The following MTERF3 variants were observed in gnomAD, a reference collection of about 807,000 sequenced individuals.
MTERF3 encodes the protein transcription termination factor 3, mitochondrial.
In MTERF3, 40 loss-of-function variants were observed where a neutral mutation model predicts 40.5. That is an observed-to-expected ratio of 0.99 (90% CI 0.77 to 1.29). MTERF3 has a LOEUF of 1.29. Ranked by LOEUF, MTERF3 falls within the 50% of genes most tolerant of loss-of-function variation. The pLI is 0.00. For synonymous variants in MTERF3, 158 were observed against 166.6 expected (o/e 0.95, Z 0.40); for missense variants, 452 against 478.2 (o/e 0.95, Z 0.51).
intron 3 of MTERF3, among the ~76,000 whole-genome samples, chr8:96,254,161 A>C (rs1037675429): frequency 6.6e-6 from 1 of 152,188 alleles, no homozygotes; most frequent in Non-Finnish European, 1.5e-5. Flanking sequence ...TACACTTTTT[A>C]AATTATATGT....
chr8:96,255,177 C>T (rs1810256893), intron 3 of MTERF3, among the ~76,000 whole-genome samples: 1 of 152,156 alleles, frequency 6.6e-6, no homozygotes. Context: ...GAGGAGAAGA[C>T]TATCAAGATA....
rs1196659154 is a variant in MTERF3 at position 96,243,931 on chromosome 8, G to A, written c.1047C>T (p.Val349=). 1 of 1,613,784 alleles carries A rather than the reference G, an allele frequency of 6.2e-7. No homozygotes were observed. ...TGAGTGGCATTACCTGTGGGAACTT[G>A]ACAATGATGTGGTGGGGAATGCTCA... The part of the protein sequence containing the change: ...NVMSIPHHII[V]KFPQVFNTRL... The change falls in exon 7 of 8, where the codon GTC becomes GTT. Residue 349 remains valine, a synonymous_variant. Transcript: ENST00000287025.
chr8:96,259,547 A>G (rs1466195240), intron 1 of MTERF3, among the ~76,000 whole-genome samples: 1 of 152,230 alleles, frequency 6.6e-6, no homozygotes, highest in African/African-American at 2.4e-5. Context: ...ATATGAAGGG[A>G]TTTTATATTT....
intron 7 of MTERF3, among the ~76,000 whole-genome samples, chr8:96,241,552 A>C (rs1809930463): frequency 6.6e-6 from 1 of 152,202 alleles, no homozygotes; most frequent in Non-Finnish European, 1.5e-5. Context: ...TTATGAGCAG[A>C]TATTATACGT....
intron 3 of MTERF3, among the ~76,000 whole-genome samples, chr8:96,253,243 C>G (rs1277322960): frequency 6.6e-6 from 1 of 152,088 alleles, no homozygotes; most frequent in African/African-American, 2.4e-5. Flanking sequence ...CAAACAAGAG[C>G]CTTCCCAACA....
At chr8:96,245,718 G>A in intron 6 of MTERF3, 142 bp downstream of exon 6, 1 of 712,920 alleles carries the variant, frequency 1.4e-6, no homozygotes, top group East Asian at 2.8e-5. Flanking sequence ...ATTTGTTAAA[G>A]ATAATTTCCT....
intron 1 of MTERF3, among the ~76,000 whole-genome samples, chr8:96,259,919 T>A (rs896234187): frequency 2.0e-5 from 3 of 151,836 alleles, no homozygotes; most frequent in Non-Finnish European, 2.9e-5. Context: ...TATTATTTTT[T>A]TTGAGACGGA....
Position 96,239,497 on chromosome 8 carries a change from C to T in MTERF3, c.1248G>A (p.Thr416=), listed in dbSNP as rs377656018. The change falls in exon 8 of 8, where the codon ACG becomes ACA. Residue 416 remains threonine, a synonymous_variant. Transcript: ENST00000287025. ...SVQDFEKFLK[T]L ...TTTTAACATACATAAAAATCTAAAG[C>T]GTTTTTAAGAATTTTTCAAAGTCCT... is the stretch of plus-strand genomic sequence containing the variant. 182 of 1,588,200 alleles carry T rather than the reference C, an allele frequency of 1.1e-4. 1 individual carries two copies. In the South Asian group the frequency reaches 1.3e-3, roughly 12 times the overall value.
chr8:96,243,982 C>G lies in MTERF3; in HGVS notation c.996G>C (p.Glu332Asp). 1 of 1,614,106 alleles carries G rather than the reference C, an allele frequency of 6.2e-7. No individual in the cohort carries two copies. Among genetic ancestry groups the G allele is most frequent in the Non-Finnish European group, 8.5e-7 (1 of 1,180,008 alleles). The change falls in exon 7 of 8, where the codon GAG (glutamate) becomes GAC (aspartate). Residue 332 changes from glutamate (E) to aspartate (D), a missense_variant. Physicochemically the swap from Glu to Asp is conservative, Grantham distance 45. Transcript: ENST00000287025. ...TCACATTGTGCACAAAATCAAACGT[C>G]TCGGTAAGTTTCATTTTATTTGCAG... ...MLTANKMKLT[E>D]TFDFVHNVMS... is the part of the protein sequence containing the mutation.
At chr8:96,240,659 G>A (rs978044303) in intron 7 of MTERF3, among the ~76,000 whole-genome samples, 5 of 152,112 alleles carry the variant, frequency 3.3e-5, no homozygotes, top group Non-Finnish European at 5.9e-5. Context: ...TGGGAGATCC[G>A]GCCAGACTTG....
chr8:96,245,937 G>T lies in MTERF3; in HGVS notation c.826-6C>A. 1 of 1,612,960 alleles carries T rather than the reference G, an allele frequency of 6.2e-7. No individual in the cohort carries two copies. Among genetic ancestry groups the T allele is most frequent in the Non-Finnish European group, 8.5e-7 (1 of 1,179,464 alleles). ...CGAACTACCAGATCTCTAGTCTGTG[G>T]TTGCAAACAAAACAATCTAGTATTA... On this transcript the variant is annotated splice_polypyrimidine_tract_variant and splice_region_variant and intron_variant, in intron 5 of 7. Coordinates refer to ENST00000287025, the MANE Select transcript of MTERF3 (RefSeq NM_015942.5).
chr8:96,253,524 C>A (rs978332962), intron 3 of MTERF3, among the ~76,000 whole-genome samples: 1 of 152,048 alleles, frequency 6.6e-6, no homozygotes, highest in Non-Finnish European at 1.5e-5. Flanking sequence ...GAAAACAGGT[C>A]TCAGAAGCAA....
At chr8:96,256,907 A>G in intron 3 of MTERF3, 55 bp downstream of exon 3, 1 of 1,483,956 alleles carries the variant, frequency 6.7e-7, no homozygotes, top group East Asian at 2.3e-5. Flanking sequence ...TTAAAAAAGT[A>G]AAAAAAGTAA....
At chr8:96,250,616 A>ACACCCAGCTACTTGGGAGGCT (rs1563548540) in intron 4 of MTERF3, among the ~76,000 whole-genome samples, 1 of 4,050 alleles carries the variant, frequency 2.5e-4, no homozygotes, top group East Asian at 3.9e-3. Flanking sequence ...AGGCTGAGGC[A>ACACCCAGCTACTTGGGAGGCT]GAAGAAGAAG....
chr8:96,243,723 T>G lies in MTERF3; in HGVS notation c.1059+196A>C, dbSNP rs112057667. 1.0e-2 allele frequency among the ~76,000 whole-genome samples: 1,518 copies of G among 152,354 alleles called. 11 individuals are homozygous for G. The highest frequency in any genetic ancestry group is 0.031 in the Middle Eastern group (9 of 294). On this transcript the variant is annotated intron_variant, in intron 7 of 7. Coordinates refer to ENST00000287025, the MANE Select transcript of MTERF3 (RefSeq NM_015942.5). ...AGAGACTACATTAGATTTGTTGGCCTGATTCCAACAATCAGAACTAGGACT... is the reference window on the plus strand; with the variant it reads ...AGAGACTACATTAGATTTGTTGGCCGGATTCCAACAATCAGAACTAGGACT...
At chr8:96,245,813 T>C (rs1408929094) in intron 6 of MTERF3, 47 bp downstream of exon 6, 19 of 1,539,534 alleles carry the variant, frequency 1.2e-5, no homozygotes, top group Non-Finnish European at 1.7e-5. Context: ...CAGAGGATTT[T>C]AACACTTAAA....
intron 1 of MTERF3, among the ~76,000 whole-genome samples, chr8:96,259,164 G>A (rs1002016640): frequency 6.6e-6 from 1 of 152,322 alleles, no homozygotes; most frequent in Admixed American, 6.5e-5. Flanking sequence ...TGCATTTTAT[G>A]TATATAAATT....
intron 3 of MTERF3, among the ~76,000 whole-genome samples, 165 bp downstream of exon 3, chr8:96,256,797 C>A (rs1810286724): frequency 6.6e-6 from 1 of 152,108 alleles, no homozygotes; most frequent in South Asian, 2.1e-4. Context: ...GCAAGATCAC[C>A]AAGGATGAGG....
intron 1 of MTERF3, among the ~76,000 whole-genome samples, chr8:96,260,614 C>A (rs1211806474): frequency 1.3e-5 from 2 of 152,206 alleles, no homozygotes; most frequent in Non-Finnish European, 2.9e-5. Flanking sequence ...CATCCTGAAG[C>A]CTTTCCACAC....
Sources: allele counts gnomAD v4.1 joint callset (sites outside exome capture counted in the v4.1 genomes callset), GRCh38; gene constraint gnomAD v4.1.1; transcripts MANE v1.5; gene names NCBI Gene and HGNC (gene_info 2026-07-23, HGNC 2026-07-21).